Variants in ROBO2 observed in about 807,000 individuals in gnomAD.
ROBO2 encodes roundabout guidance receptor 2, also known as roundabout homolog 2.
ROBO2 carries 53 observed loss-of-function variants against 160.8 expected under a neutral mutation model. That is an observed-to-expected ratio of 0.33 (90% CI 0.26 to 0.41). ROBO2 has a LOEUF of 0.41. ROBO2 is among the 10% of genes least tolerant of loss of function. The pLI, the probability that ROBO2 is intolerant of heterozygous loss-of-function variation, is 1.00. For synonymous variants in ROBO2, 664 were observed against 611.7 expected, an observed-to-expected ratio of 1.09 and a Z score of -1.26; for missense variants, 1,577 against 1,722.4, an observed-to-expected ratio of 0.92 and a Z score of 1.49.
chr3:77,267,031 C>T (rs996719138), intron 2 of ROBO2, among the ~76,000 whole-genome samples: 5 of 152,116 alleles, frequency 3.3e-5, no homozygotes, highest in African/African-American at 1.2e-4. Context: ...GACAGCTAGA[C>T]ATATTTTTTC....
chr3:77,642,531 A>C, intron 24 of ROBO2, 140 bp from the exon 26 acceptor site: 1 of 357,558 alleles, frequency 2.8e-6, no homozygotes, highest in South Asian at 2.1e-5. Flanking sequence ...TTTGGAAATA[A>C]ATAATTGACT....
At chr3:76,730,255 C>T (rs2093616644) in intron 2 of ROBO2, among the ~76,000 whole-genome samples, 1 of 108,716 alleles carries the variant, frequency 9.2e-6, no homozygotes, top group Non-Finnish European at 1.8e-5. Flanking sequence ...TCCCTACCCG[C>T]TTCTCCTCAC....
chr3:76,819,947 T>C (rs191162669), intron 2 of ROBO2, among the ~76,000 whole-genome samples: 2 of 152,196 alleles, frequency 1.3e-5, no homozygotes, highest in African/African-American at 4.8e-5. Context: ...TCAATCTCTA[T>C]TCTGTCTGTC....
chr3:76,395,831 T>A (rs905764892), intron 2 of ROBO2, among the ~76,000 whole-genome samples: 1 of 152,084 alleles, frequency 6.6e-6, no homozygotes, highest in African/African-American at 2.4e-5. Context: ...CAATAATCAA[T>A]AGCTTACCAA....
At chr3:76,384,131 G>A (rs143309946) in intron 2 of ROBO2, among the ~76,000 whole-genome samples, 8 of 152,276 alleles carry the variant, frequency 5.3e-5, no homozygotes, top group African/African-American at 1.2e-4. Flanking sequence ...TTTGCCAACC[G>A]CACAGTCATT....
intron 2 of ROBO2, among the ~76,000 whole-genome samples, chr3:77,275,343 A>C (rs992959729): frequency 6.6e-6 from 1 of 152,162 alleles, no homozygotes; most frequent in African/African-American, 2.4e-5. Flanking sequence ...AAACGTTTTT[A>C]GGTAGAACTT....
At chr3:76,281,043 T>G (rs1360090146) in intron 2 of ROBO2, among the ~76,000 whole-genome samples, 1 of 151,956 alleles carries the variant, frequency 6.6e-6, no homozygotes, top group Non-Finnish European at 1.5e-5. Flanking sequence ...CTTCTAGGAA[T>G]CTGTCCAAAA....
intron 2 of ROBO2, among the ~76,000 whole-genome samples, chr3:76,078,102 T>G (rs1448166378): frequency 6.6e-6 from 1 of 152,042 alleles, no homozygotes. Context: ...TAGAAAAGAG[T>G]GGAAAATCAA....
At chr3:76,884,340 A>G (rs527909686) in intron 2 of ROBO2, among the ~76,000 whole-genome samples, 1 of 152,352 alleles carries the variant, frequency 6.6e-6, no homozygotes, top group East Asian at 1.9e-4. Context: ...CCTTTATTAA[A>G]GATCTATTAT....
At chr3:76,188,401 G>C (rs1701860798) in intron 2 of ROBO2, among the ~76,000 whole-genome samples, 1 of 152,052 alleles carries the variant, frequency 6.6e-6, no homozygotes, top group African/African-American at 2.4e-5. Context: ...TGTCATGATG[G>C]AGGCAGAGAA....
chr3:77,370,258 T>C (rs1174072481), intron 2 of ROBO2, among the ~76,000 whole-genome samples: 1 of 152,226 alleles, frequency 6.6e-6, no homozygotes, highest in African/African-American at 2.4e-5. Context: ...CTAGCCTTTG[T>C]ATATCAAAGG....
chr3:76,508,134 T>C (rs2080892353), intron 2 of ROBO2, among the ~76,000 whole-genome samples: 1 of 152,158 alleles, frequency 6.6e-6, no homozygotes, highest in African/African-American at 2.4e-5. Context: ...AAATAAAGCA[T>C]ATATAAATAC....
chr3:75,988,724 T>C (rs1017423270), intron 2 of ROBO2, among the ~76,000 whole-genome samples: 31 of 152,032 alleles, frequency 2.0e-4, no homozygotes, highest in African/African-American at 7.0e-4. Flanking sequence ...CCTTTTGTGA[T>C]TTCTGTAATG....
chr3:77,026,249 CTG>C (rs1271185005), intron 2 of ROBO2, among the ~76,000 whole-genome samples: 3 of 152,056 alleles, frequency 2.0e-5, no homozygotes, highest in African/African-American at 7.2e-5. Flanking sequence ...TTATTAAAAG[CTG>C]TGTTATATTA....
chr3:76,606,407 A>G (rs2087661717), intron 2 of ROBO2, among the ~76,000 whole-genome samples: 1 of 152,210 alleles, frequency 6.6e-6, no homozygotes, highest in Admixed American at 6.5e-5. Flanking sequence ...TATTTGCTGT[A>G]AAACATCCAA....
At chr3:76,483,244 C>T (rs1386260169) in intron 2 of ROBO2, among the ~76,000 whole-genome samples, 1 of 151,528 alleles carries the variant, frequency 6.6e-6, no homozygotes, top group Non-Finnish European at 1.5e-5. Flanking sequence ...TATAGAATAA[C>T]TCTTATTACA....
chr3:75,994,946 C>T (rs113517190), intron 2 of ROBO2, among the ~76,000 whole-genome samples: 3,201 of 152,208 alleles, frequency 0.021, 112 homozygotes, highest in African/African-American at 0.071. Context: ...AAGAGACTGG[C>T]GGCATTTTGC....
intron 2 of ROBO2, among the ~76,000 whole-genome samples, chr3:77,415,905 C>T (rs1029596843): frequency 1.3e-4 from 20 of 152,274 alleles, no homozygotes; most frequent in African/African-American, 4.1e-4. Context: ...CTTGTTCGTT[C>T]CTGCAGCCCA....
intron 2 of ROBO2, among the ~76,000 whole-genome samples, chr3:77,131,488 A>C (rs7648530): frequency 0.57 from 86,689 of 151,908 alleles, 25,113 homozygotes; most frequent in Middle Eastern, 0.69. Context: ...TGGTTAAAGA[A>C]TGCTAAGCAA....
Sources: allele counts gnomAD v4.1 joint callset (sites outside exome capture counted in the v4.1 genomes callset), GRCh38; gene constraint gnomAD v4.1.1; transcripts MANE v1.5; gene names NCBI Gene and HGNC (gene_info 2026-07-23, HGNC 2026-07-21).